The following CHN2 variants were observed in gnomAD, a reference collection of about 807,000 sequenced individuals.
CHN2 encodes beta-chimaerin.
Under a neutral mutation model 56.3 loss-of-function variants are expected in CHN2, and 35 were observed. The observed-to-expected ratio is 0.62, with a 90% CI of 0.47 to 0.82. CHN2 has a LOEUF of 0.82. Among genes scored for constraint, CHN2 ranks in the 40% least tolerant of loss-of-function variants. CHN2 has a pLI of 0.00. For synonymous variants in CHN2, 210 were observed against 212.8 expected, an observed-to-expected ratio of 0.99 and a Z score of 0.12; for missense variants, 491 against 580.5, an observed-to-expected ratio of 0.85 and a Z score of 1.58.
chr7:29,296,147 G>T (rs1185632679), intron 1 of CHN2, among the ~76,000 whole-genome samples: 1 of 151,064 alleles, frequency 6.6e-6, no homozygotes, highest in East Asian at 1.9e-4. Flanking sequence ...GCAGTGGCGT[G>T]ATCTCTGCTC....
At chr7:29,380,855 AT>A (rs1800444128) in intron 3 of CHN2, 1 of 152,206 alleles carries the variant, frequency 6.6e-6, no homozygotes, top group Admixed American at 6.5e-5. Context: ...ATGAAGATGA[AT>A]TAAGGATTGG....
chr7:29,289,407 G>A (rs906546422), intron 1 of CHN2, among the ~76,000 whole-genome samples: 2 of 152,092 alleles, frequency 1.3e-5, no homozygotes, highest in African/African-American at 4.8e-5. Flanking sequence ...TTTAAGCAAG[G>A]CAACAGATGT....
chr7:29,197,047 C>T (rs1783791624), intron 1 of CHN2, among the ~76,000 whole-genome samples: 1 of 152,166 alleles, frequency 6.6e-6, no homozygotes, highest in Admixed American at 6.5e-5. Flanking sequence ...TCTTTTAAAG[C>T]ACACTTACCA....
intron 7 of CHN2, among the ~76,000 whole-genome samples, chr7:29,481,788 G>A (rs2128544613): frequency 6.6e-6 from 1 of 151,512 alleles, no homozygotes; most frequent in African/African-American, 2.4e-5. Flanking sequence ...CACTACTAGT[G>A]ATGAGAGGAT....
At chr7:29,296,046 A>G (rs186332820) in intron 1 of CHN2, among the ~76,000 whole-genome samples, 2 of 151,144 alleles carry the variant, frequency 1.3e-5, no homozygotes, top group Non-Finnish European at 2.9e-5. Context: ...GGCCAGGATT[A>G]CTCTAAAAAG....
intron 6 of CHN2, among the ~76,000 whole-genome samples, chr7:29,476,490 T>G (rs1025934918): frequency 1.3e-5 from 2 of 150,252 alleles, no homozygotes; most frequent in African/African-American, 4.9e-5. Context: ...TGAGCCGAGA[T>G]CGCGCCATTG....
upstream of CHN2, chr7:29,194,704 A>T (rs1480838745): frequency 7.4e-6 from 3 of 403,128 alleles, no homozygotes; most frequent in East Asian, 1.2e-4. Context: ...TGACACCCAT[A>T]GAAAAGCGTG....
intron 1 of CHN2, among the ~76,000 whole-genome samples, chr7:29,224,507 C>A (rs566380381): frequency 6.6e-6 from 1 of 152,276 alleles, no homozygotes; most frequent in African/African-American, 2.4e-5. Context: ...GAGAGAAATT[C>A]AGAAGCTAAA....
chr7:29,259,852 G>T (rs1464417643), intron 1 of CHN2, among the ~76,000 whole-genome samples: 2 of 152,136 alleles, frequency 1.3e-5, no homozygotes, highest in African/African-American at 4.8e-5. Context: ...TATGGAATTT[G>T]TATTTGTCAG....
rs188248496 is a variant in CHN2, at chr7:29,413,360, G to A, written c.576+12532G>A. Among the ~76,000 whole-genome samples the A allele has an allele frequency of 5.9e-5, 9 of 152,342 alleles. No individual in the cohort carries two copies. In the East Asian group the frequency reaches 1.7e-3, roughly 29 times the overall value. ...AGGATTAGAAGTAAGACACAGAACT[G>A]TGGGCTATGCGTGTCCCAACACACC... is the stretch of plus-strand genomic sequence containing the variant. On this transcript the variant is annotated intron_variant, in intron 6 of 12. Coordinates refer to ENST00000222792, the MANE Select transcript of CHN2 (RefSeq NM_004067.4).
chr7:29,314,334 C>A (rs997842427), intron 1 of CHN2, among the ~76,000 whole-genome samples: 3 of 152,114 alleles, frequency 2.0e-5, no homozygotes, highest in African/African-American at 7.2e-5. Flanking sequence ...CTAGAGTAGT[C>A]AAATTCACAA....
intron 1 of CHN2, among the ~76,000 whole-genome samples, chr7:29,223,889 A>C (rs1785988206): frequency 6.6e-6 from 1 of 152,168 alleles, no homozygotes; most frequent in African/African-American, 2.4e-5. Flanking sequence ...GTGAACAAAA[A>C]TTTTAGTTGC....
chr7:29,407,741 T>C (rs17157908), intron 6 of CHN2, among the ~76,000 whole-genome samples: 18,344 of 152,232 alleles, frequency 0.12, 1,206 homozygotes, highest in East Asian at 0.17. Flanking sequence ...TTAGATTACA[T>C]CCGCTCATGA....
chr7:29,455,350 C>T (rs1250991377), intron 6 of CHN2, among the ~76,000 whole-genome samples: 2 of 152,050 alleles, frequency 1.3e-5, no homozygotes, highest in Non-Finnish European at 2.9e-5. Context: ...AAAAATAATC[C>T]AATAGAATGG....
intron 9 of CHN2, among the ~76,000 whole-genome samples, chr7:29,504,175 A>C (rs1790293114): frequency 6.6e-6 from 1 of 152,226 alleles, no homozygotes. Flanking sequence ...TCAGAGTAAT[A>C]CAGATTAGAT....
chr7:29,379,709 C>T (rs2128055972), intron 3 of CHN2, among the ~76,000 whole-genome samples: 1 of 152,216 alleles, frequency 6.6e-6, no homozygotes, highest in Non-Finnish European at 1.5e-5. Context: ...GCAGGATGTG[C>T]TCTGGCCCAT....
intron 1 of CHN2, among the ~76,000 whole-genome samples, chr7:29,218,227 C>T (rs1785488328): frequency 7.0e-6 from 1 of 143,778 alleles, no homozygotes; most frequent in African/African-American, 2.5e-5. Context: ...GCATGACTCT[C>T]TTTCCTTCTT....
intron 3 of CHN2, among the ~76,000 whole-genome samples, chr7:29,381,053 A>G: frequency 6.6e-6 from 1 of 151,666 alleles, no homozygotes; most frequent in East Asian, 2.1e-4. Flanking sequence ...CTGGAGGAAC[A>G]TAAGATTAGA....
chr7:29,236,723 A>G (rs1011903874), intron 1 of CHN2, among the ~76,000 whole-genome samples: 1 of 152,240 alleles, frequency 6.6e-6, no homozygotes, highest in African/African-American at 2.4e-5. Flanking sequence ...AGAGTTCTCA[A>G]ATGGGTTGGC....
Sources: allele counts gnomAD v4.1 joint callset (sites outside exome capture counted in the v4.1 genomes callset), GRCh38; gene constraint gnomAD v4.1.1; transcripts MANE v1.5; gene names NCBI Gene and HGNC (gene_info 2026-07-23, HGNC 2026-07-21).